Variants in TTYH2 observed in about 807,000 individuals in gnomAD.
TTYH2 encodes the protein tweety family member 2.
TTYH2 carries 49 observed loss-of-function variants against 68.3 expected under a neutral mutation model. The ratio of observed to expected loss-of-function variants is 0.72; its 90% CI spans 0.57 to 0.91. TTYH2 has a LOEUF of 0.91. TTYH2 is among the 40% of genes least tolerant of loss of function. The probability of loss-of-function intolerance (pLI) is 0.00; values close to 1 mark genes in which losing one functional copy is unlikely to be tolerated. For missense variants in TTYH2, 631 were observed against 700.4 expected, an observed-to-expected ratio of 0.90 and a Z score of 1.12; for synonymous variants, 272 against 300.8, an observed-to-expected ratio of 0.90 and a Z score of 0.99.
chr17:74,217,509 C>G lies in TTYH2; in HGVS notation c.129+3793C>G, dbSNP rs902815055. On this transcript the variant is annotated intron_variant, in intron 1 of 13. Coordinates refer to ENST00000269346, the MANE Select transcript of TTYH2 (RefSeq NM_032646.6). This position sits in a 1 kb window ranked among gnomAD's most constrained non-coding sequence, Gnocchi z 4.0. ...GACCAGGCAGCAAGCCCATCCCAGC[C>G]GAGATCTGAGAAGAGCTGAGGTTGG... Among the ~76,000 whole-genome samples, 1 of 152,170 alleles carries G rather than the reference C, an allele frequency of 6.6e-6. No individual in the cohort carries two copies. Among genetic ancestry groups the G allele is most frequent in the Non-Finnish European group, 1.5e-5 (1 of 68,018 alleles).
At chr17:74,235,611 C>T (rs997764295) in intron 3 of TTYH2, among the ~76,000 whole-genome samples, 12 of 152,100 alleles carry the variant, frequency 7.9e-5, no homozygotes, top group Non-Finnish European at 1.2e-4. Context: ...TGCACATGGC[C>T]GGGCGTGGTG....
chr17:74,217,787 C>CG lies in TTYH2; in HGVS notation c.129+4073dup, dbSNP rs1318459401. Among the ~76,000 whole-genome samples the CG allele has an allele frequency of 6.6e-6, 1 of 152,204 alleles. No individual in the cohort carries two copies. The highest frequency in any genetic ancestry group is 2.4e-5 in the African/African-American group (1 of 41,452). Reference sequence around the variant, plus strand: ...TTGGGTCCCGCTGCCATGGTCACTGCGGCCCCCAACTTGGGTCCCAGCTTG... The same window carrying CG: ...TTGGGTCCCGCTGCCATGGTCACTGCGGGCCCCCAACTTGGGTCCCAGCTTG... On this transcript the variant is annotated intron_variant, in intron 1 of 13. Transcript: ENST00000269346. This position sits in a 1 kb window ranked among gnomAD's most constrained non-coding sequence, Gnocchi z 4.0.
intron 13 of TTYH2, among the ~76,000 whole-genome samples, chr17:74,257,194 C>T (rs906133380): frequency 5.3e-5 from 8 of 152,220 alleles, no homozygotes; most frequent in African/African-American, 7.2e-5. Flanking sequence ...CTCATCCTGC[C>T]GTTAGCAGAG....
At chr17:74,237,221 C>T (rs1378166700) in intron 3 of TTYH2, 73 bp from the exon 4 acceptor site, 2 of 1,488,434 alleles carry the variant, frequency 1.3e-6, no homozygotes, top group Non-Finnish European at 1.9e-6. Context: ...CCTTCTGCTG[C>T]CTGCAAAGAC....
In TTYH2 at chr17:74,215,468, C is replaced by G; in HGVS notation, c.129+1752C>G. On this transcript the variant is annotated intron_variant, in intron 1 of 13. Coordinates refer to ENST00000269346, the MANE Select transcript of TTYH2 (RefSeq NM_032646.6). This position sits in a 1 kb window ranked among gnomAD's most constrained non-coding sequence, Gnocchi z 4.3. ...GCAGTTGAGCCAGATGAACCTACCTCCAGCCTCTGCCCCTCCTCCCAGGAT... is the reference window on the plus strand; with the variant it reads ...GCAGTTGAGCCAGATGAACCTACCTGCAGCCTCTGCCCCTCCTCCCAGGAT... 1.5e-6 allele frequency: 1 copy of G among 663,854 alleles called. No homozygotes were observed. Among genetic ancestry groups the G allele is most frequent in the Non-Finnish European group, 2.5e-6 (1 of 393,278 alleles). 41.1% of individuals were successfully genotyped at this position (663,854 alleles called of 1,614,324 possible).
intron 11 of TTYH2, 113 bp downstream of exon 11, chr17:74,252,489 C>A (rs2050643922): frequency 2.3e-6 from 3 of 1,323,656 alleles, no homozygotes; most frequent in Non-Finnish European, 2.0e-6. Flanking sequence ...AGGAGGGCAG[C>A]AGAGGGCCCG....
At chr17:74,244,626 C>T (rs1026160093) in intron 6 of TTYH2, among the ~76,000 whole-genome samples, 4 of 151,944 alleles carry the variant, frequency 2.6e-5, no homozygotes, top group Non-Finnish European at 4.4e-5. Context: ...GCTTCCTATG[C>T]GGGTCCACAT....
chr17:74,215,652 C>T lies in TTYH2; in HGVS notation c.129+1936C>T, dbSNP rs181771284. 1.1e-4 allele frequency: 173 copies of T among 1,535,586 alleles called. No homozygotes were observed. Among genetic ancestry groups the T allele is most frequent in the Non-Finnish European group, 2.1e-5 (24 of 1,146,912 alleles). On this transcript the variant is annotated intron_variant, in intron 1 of 13. Transcript: ENST00000269346. This position sits in a 1 kb window ranked among gnomAD's most constrained non-coding sequence, Gnocchi z 4.3. ...CTCAGATCGCTGAGTAGGAGATGAGCGTGGTGGGCCAGGACCGGAAGTCTG... is the reference window on the plus strand; with the variant it reads ...CTCAGATCGCTGAGTAGGAGATGAGTGTGGTGGGCCAGGACCGGAAGTCTG...
chr17:74,246,494 G>A (rs8077819), intron 6 of TTYH2, among the ~76,000 whole-genome samples: 99,047 of 151,786 alleles, frequency 0.65, 32,621 homozygotes, highest in African/African-American at 0.75. Context: ...TGCATTCATC[G>A]TCATCATGCT....
intron 13 of TTYH2, among the ~76,000 whole-genome samples, chr17:74,256,107 A>C (rs1262152588): frequency 1.3e-5 from 2 of 152,220 alleles, no homozygotes; most frequent in Non-Finnish European, 2.9e-5. Flanking sequence ...GCACTCAAGA[A>C]GGCTGCCTGT....
chr17:74,234,077 T>G (rs1249416972), intron 3 of TTYH2, among the ~76,000 whole-genome samples: 2 of 152,190 alleles, frequency 1.3e-5, no homozygotes, highest in Non-Finnish European at 2.9e-5. Context: ...CCCAGAAGTT[T>G]TCATACTTGA....
intron 3 of TTYH2, among the ~76,000 whole-genome samples, chr17:74,235,724 C>A (rs569270128): frequency 2.9e-4 from 44 of 151,726 alleles, no homozygotes; most frequent in Non-Finnish European, 5.3e-4. Flanking sequence ...AAACTGTCTC[C>A]ACTAAAAATA....
intron 6 of TTYH2, among the ~76,000 whole-genome samples, chr17:74,246,611 A>G (rs1404896675): frequency 1.3e-5 from 2 of 152,104 alleles, no homozygotes; most frequent in Non-Finnish European, 2.9e-5. Flanking sequence ...ACCTGCCCCA[A>G]CTATGCTCAG....
At position 74,260,614 on chromosome 17, in the gene TTYH2, G is replaced by T; in HGVS notation, c.*405G>T. ...ACAACGATGACTCTGCCTCTTGTCA[G>T]CCCAGCCAAGAGCCCAGACGACCCC... On this transcript the variant is annotated 3_prime_UTR_variant, in exon 14 of 14. Transcript: ENST00000269346. 4.3e-6 allele frequency: 1 copy of T among 233,698 alleles called. No individual in the cohort carries two copies. 14.5% of individuals were successfully genotyped at this position (233,698 alleles called of 1,614,324 possible). A position where few individuals can be genotyped will look rare whatever the true frequency, so the allele number is the denominator to read the frequency against.
At position 74,252,336 on chromosome 17, in the gene TTYH2, A is replaced by C. The variant is rs149359540; in HGVS notation, c.1219A>C (p.Ile407Leu). ...GGCCGCCCTCGCCTTCTCCACCATGATCTGTGCAGGGCCAAGGGCCTGGAA... is the reference window on the plus strand; with the variant it reads ...GGCCGCCCTCGCCTTCTCCACCATGCTCTGTGCAGGGCCAAGGGCCTGGAA... ...FLAALAFSTM[I>L]CAGPRAWKHF... Residue 407 changes from isoleucine (I) to leucine (L), a missense_variant, in exon 11 of 14, where the codon ATC becomes CTC. By Grantham distance (5) the Ile-to-Leu change is conservative. Transcript: ENST00000269346. The C allele has an allele frequency of 6.2e-7, 1 of 1,613,872 alleles. No individual in the cohort carries two copies. The highest frequency in any genetic ancestry group is 2.2e-5 in the East Asian group (1 of 44,888).
At position 74,222,459 on chromosome 17, in the gene TTYH2, G is replaced by A. The variant is rs2050284843; in HGVS notation, c.130-26G>A. Reference sequence around the variant, plus strand: ...GCCCCGCACTGCAGGGATGAAGAGTGACAACAGGCCTCTGCTCTCTTCCAG... The same window carrying A: ...GCCCCGCACTGCAGGGATGAAGAGTAACAACAGGCCTCTGCTCTCTTCCAG... On this transcript the variant is annotated intron_variant, in intron 1 of 13. Transcript: ENST00000269346. This position sits in a 1 kb window ranked among gnomAD's most constrained non-coding sequence, Gnocchi z 5.2. The A allele has an allele frequency of 7.5e-6, 12 of 1,591,588 alleles. No homozygotes were observed. The highest frequency in any genetic ancestry group is 1.0e-5 in the Non-Finnish European group (12 of 1,171,280).
intron 6 of TTYH2, among the ~76,000 whole-genome samples, chr17:74,245,543 A>G (rs2050548692): frequency 6.6e-6 from 1 of 152,262 alleles, no homozygotes; most frequent in South Asian, 2.1e-4. Context: ...CCTCCCTCTC[A>G]CCAGGCTTCA....
At chr17:74,255,328 G>A (rs1422788858) in intron 13 of TTYH2, among the ~76,000 whole-genome samples, 1 of 152,242 alleles carries the variant, frequency 6.6e-6, no homozygotes. Flanking sequence ...CAAATTGATT[G>A]TTATCAGAGC....
At chr17:74,258,192 C>T (rs114221553) in intron 13 of TTYH2, among the ~76,000 whole-genome samples, 342 of 152,194 alleles carry the variant, frequency 2.2e-3, no homozygotes, top group African/African-American at 7.8e-3. Flanking sequence ...CTCATACTTG[C>T]GTATGCATCA....
Sources: gnomAD v4.1 joint callset for allele counts (sites outside exome capture counted in the v4.1 genomes callset) on GRCh38, gnomAD v4.1.1 for gene constraint, Gnocchi (gnomAD v3.1) non-coding constraint, MANE v1.5 for transcripts, NCBI Gene and HGNC (gene_info 2026-07-23, HGNC 2026-07-21) for gene names.